The following NXPE1 variants were observed in gnomAD, a reference collection of about 807,000 sequenced individuals.
The protein encoded by NXPE1 is NXPE family member 1.
In NXPE1, 31 loss-of-function variants were observed where a neutral mutation model predicts 33.3. The observed-to-expected ratio is 0.93, with a 90% confidence interval of 0.70 to 1.26. NXPE1 has a LOEUF of 1.26. Among genes scored for constraint, NXPE1 ranks in the 50% most tolerant of loss-of-function variants. The probability of loss-of-function intolerance (pLI) is 0.00; values close to 1 mark genes in which losing one functional copy is unlikely to be tolerated. For missense variants in NXPE1, 661 were observed against 655.6 expected (o/e 1.01, Z -0.09); for synonymous variants, 229 against 231.4 (o/e 0.99, Z 0.09).
chr11:114,521,283 C>A (rs190619561), downstream of NXPE1, among the ~76,000 whole-genome samples: 17 of 152,268 alleles, frequency 1.1e-4, no homozygotes, highest in East Asian at 3.3e-3. Context: ...TTGCATGTCT[C>A]TTTTTGTATT....
At chr11:114,557,970 T>C (rs2135145825) in intron 1 of NXPE1, among the ~76,000 whole-genome samples, 1 of 152,178 alleles carries the variant, frequency 6.6e-6, no homozygotes, top group Middle Eastern at 3.4e-3. Context: ...CTCATTTTCC[T>C]TCTATTTCCC....
chr11:114,539,262 A>T (rs961752961), intron 5 of NXPE1, among the ~76,000 whole-genome samples: 1 of 136,576 alleles, frequency 7.3e-6, no homozygotes, highest in Non-Finnish European at 1.6e-5. Flanking sequence ...GAAGGGGAAC[A>T]TCACACACTG....
chr11:114,545,643 A>G (rs1948251228), intron 5 of NXPE1, among the ~76,000 whole-genome samples: 2 of 152,098 alleles, frequency 1.3e-5, no homozygotes, highest in African/African-American at 4.8e-5. Flanking sequence ...TGTTGTGTAT[A>G]CATGAAACTG....
intron 5 of NXPE1, among the ~76,000 whole-genome samples, chr11:114,544,544 A>G (rs1948209829): frequency 6.6e-6 from 1 of 152,230 alleles, no homozygotes; most frequent in Admixed American, 6.5e-5. Context: ...ATGAGCCTAG[A>G]CACAGACCTC....
chr11:114,540,837 CTTTTTTTTTTTTTTTTTTTTTTTTTTTTT>C (rs142403291), intron 5 of NXPE1, among the ~76,000 whole-genome samples: 16 of 47,472 alleles, frequency 3.4e-4, no homozygotes, highest in East Asian at 8.9e-4. Flanking sequence ...AGAAAGCCAT[CTTTTTTTTTTTTTTTTTTTTTTTTTTTTT>C]TTTTTTTTTT....
intron 1 of NXPE1, among the ~76,000 whole-genome samples, chr11:114,557,668 T>C: frequency 9.3e-6 from 1 of 107,754 alleles, no homozygotes; most frequent in Non-Finnish European, 2.0e-5. Context: ...TATATATATA[T>C]ATATAAAATC....
chr11:114,521,561 C>T (rs1478793829), downstream of NXPE1: 1 of 157,556 alleles, frequency 6.3e-6, no homozygotes, highest in Non-Finnish European at 1.4e-5. Context: ...AGGAAGGGTT[C>T]TTAGACATCA....
intron 6 of NXPE1, chr11:114,529,091 A>G (rs780118128): frequency 1.2e-4 from 42 of 339,894 alleles, no homozygotes; most frequent in Non-Finnish European, 2.1e-4. Flanking sequence ...TTTTTTTGAA[A>G]GCTTATGGAA....
chr11:114,549,593 A>G (rs1948402750), intron 5 of NXPE1, among the ~76,000 whole-genome samples: 2 of 152,086 alleles, frequency 1.3e-5, no homozygotes, highest in Non-Finnish European at 2.9e-5. Context: ...TCCTCTACAC[A>G]TAAAATATAT....
chr11:114,534,291 C>A (rs1437308369), intron 5 of NXPE1, among the ~76,000 whole-genome samples: 1 of 152,102 alleles, frequency 6.6e-6, no homozygotes, highest in Non-Finnish European at 1.5e-5. Flanking sequence ...CTGTACATAA[C>A]CATCATCAAA....
At chr11:114,543,488 T>C (rs141743940) in intron 5 of NXPE1, among the ~76,000 whole-genome samples, 2,060 of 151,190 alleles carry the variant, frequency 0.014, 50 homozygotes, top group African/African-American at 0.048. Context: ...GCCACTGCAC[T>C]CCAGCCTGGG....
intron 7 of NXPE1, 30 bp downstream of exon 7, chr11:114,527,810 A>G (rs778961439): frequency 5.9e-6 from 9 of 1,528,244 alleles, no homozygotes; most frequent in Non-Finnish European, 8.0e-6. Flanking sequence ...TCCTCTGAGC[A>G]TCACCTAACT....
intron 5 of NXPE1, among the ~76,000 whole-genome samples, chr11:114,538,490 G>A (rs976128751): frequency 1.5e-4 from 23 of 152,154 alleles, no homozygotes; most frequent in African/African-American, 5.3e-4. Flanking sequence ...GAGTGAACAG[G>A]CAACCTACAA....
chr11:114,529,962 G>T, intron 6 of NXPE1: 1 of 512,870 alleles, frequency 1.9e-6, no homozygotes, highest in Non-Finnish European at 3.4e-6. Context: ...ATAGAAGAAC[G>T]GTTATAGCAA....
At position 114,540,837 on chromosome 11, in the gene NXPE1, C is replaced by CTTTTTTTTTTT. The variant is rs142403291; in HGVS notation, c.100-9940_100-9930dup. 2.7e-4 allele frequency among the ~76,000 whole-genome samples: 13 copies of CTTTTTTTTTTT among 47,472 alleles called. 3 individuals are homozygous for CTTTTTTTTTTT. The highest frequency in any genetic ancestry group is 6.2e-4 in the Admixed American group (2 of 3,228). The allele number at this position is 47,472 out of a possible 152,430, so 31.1% of individuals were successfully genotyped here. A position where few individuals can be genotyped will look rare whatever the true frequency, so the allele number is the denominator to read the frequency against. On this transcript the variant is annotated intron_variant, in intron 5 of 8. Coordinates refer to ENST00000534921, the Ensembl canonical transcript of NXPE1. ...TAGCTAAAACACAATAGAAAGCCAT[C>CTTTTTTTTTTT]TTTTTTTTTTTTTTTTTTTTTTTTT...
At chr11:114,556,029 G>T (rs1396820565) in intron 1 of NXPE1, among the ~76,000 whole-genome samples, 1 of 152,140 alleles carries the variant, frequency 6.6e-6, no homozygotes, top group Non-Finnish European at 1.5e-5. Flanking sequence ...ACCTAAGGGT[G>T]GAATGACAGG....
intron 5 of NXPE1, among the ~76,000 whole-genome samples, chr11:114,548,564 G>A (rs114752468): frequency 9.2e-4 from 140 of 152,022 alleles, no homozygotes; most frequent in African/African-American, 3.1e-3. Flanking sequence ...TAAACAACTC[G>A]TGACTCAAAG....
exon 9 of NXPE1, chr11:114,522,217 G>A (rs1277463568): frequency 6.2e-7 from 1 of 1,614,028 alleles, no homozygotes; most frequent in South Asian, 1.1e-5. Context: ...GGCTTCTTAG[G>A]AACAGTCTTT....
chr11:114,538,877 G>C (rs1012068554), intron 5 of NXPE1, among the ~76,000 whole-genome samples: 1 of 152,136 alleles, frequency 6.6e-6, no homozygotes, highest in Non-Finnish European at 1.5e-5. Context: ...TCAGTGTGGT[G>C]ATTCCTCAGG....
Sources: allele counts gnomAD v4.1 joint callset (sites outside exome capture counted in the v4.1 genomes callset), GRCh38; gene constraint gnomAD v4.1.1; transcripts MANE v1.5; gene names NCBI Gene and HGNC (gene_info 2026-07-23, HGNC 2026-07-21).